Variants in RAB3GAP2 observed in about 807,000 individuals in gnomAD.
RAB3GAP2 encodes rab3 GTPase-activating protein non-catalytic subunit.
RAB3GAP2 carries 87 observed loss-of-function variants against 185.3 expected under a neutral mutation model. The ratio of observed to expected loss-of-function variants is 0.47; its 90% confidence interval spans 0.39 to 0.56. RAB3GAP2 has a LOEUF of 0.56. Ranked by LOEUF, RAB3GAP2 falls within the 20% of genes least tolerant of loss-of-function variation. RAB3GAP2 has a pLI of 0.00. For synonymous variants in RAB3GAP2, 554 were observed against 576.1 expected (o/e 0.96, Z 0.55); for missense variants, 1,492 against 1,638.2 (o/e 0.91, Z 1.54).
At chr1:220,187,427 G>T (rs577229952) in intron 17 of RAB3GAP2, among the ~76,000 whole-genome samples, 1 of 152,016 alleles carries the variant, frequency 6.6e-6, no homozygotes, top group South Asian at 2.1e-4. Context: ...TTTTTCTAAT[G>T]AGGCCACTCA....
At chr1:220,248,336 G>T (rs1243873877) in intron 1 of RAB3GAP2, among the ~76,000 whole-genome samples, 1 of 152,086 alleles carries the variant, frequency 6.6e-6, no homozygotes, top group Non-Finnish European at 1.5e-5. Flanking sequence ...CTTGAAATTA[G>T]CTAAGGGAGT....
At chr1:220,222,420 T>C (rs1264963950) in intron 2 of RAB3GAP2, among the ~76,000 whole-genome samples, 1 of 152,126 alleles carries the variant, frequency 6.6e-6, no homozygotes, top group African/African-American at 2.4e-5. Flanking sequence ...AAAGTACTAG[T>C]CTAGGCCACA....
intron 17 of RAB3GAP2, among the ~76,000 whole-genome samples, chr1:220,189,363 C>T (rs1169245108): frequency 1.3e-5 from 2 of 151,808 alleles, no homozygotes; most frequent in Admixed American, 1.3e-4. Flanking sequence ...ATTACAGGCG[C>T]CCGCCAATAC....
intron 3 of RAB3GAP2, among the ~76,000 whole-genome samples, chr1:220,213,327 C>T (rs887061064): frequency 2.0e-5 from 3 of 152,046 alleles, no homozygotes; most frequent in African/African-American, 7.2e-5. Context: ...TTGAGGGTAA[C>T]TTTGCTTTGT....
intron 17 of RAB3GAP2, among the ~76,000 whole-genome samples, chr1:220,189,159 G>T (rs189521842): frequency 6.6e-6 from 1 of 151,850 alleles, no homozygotes; most frequent in African/African-American, 2.4e-5. Flanking sequence ...TCCTAAGGTA[G>T]GTGGTCATAC....
chr1:220,154,404 C>T (rs538812863), intron 31 of RAB3GAP2: 1 of 251,290 alleles, frequency 4.0e-6, no homozygotes, highest in East Asian at 1.0e-4. Context: ...CACTCATATT[C>T]ACTCTCACTT....
At chr1:220,240,446 T>G (rs1240204028) in intron 1 of RAB3GAP2, among the ~76,000 whole-genome samples, 1 of 152,196 alleles carries the variant, frequency 6.6e-6, no homozygotes, top group Non-Finnish European at 1.5e-5. Context: ...TTATTCTGTT[T>G]ACATTCTTAT....
At chr1:220,182,606 C>T (rs1009218565) in intron 20 of RAB3GAP2, 112 bp downstream of exon 20, 64 of 1,198,348 alleles carry the variant, frequency 5.3e-5, no homozygotes, top group Admixed American at 8.5e-5. Flanking sequence ...ACATTAAATC[C>T]TTTCATTATT....
intron 1 of RAB3GAP2, among the ~76,000 whole-genome samples, chr1:220,233,702 G>T (rs186448861): frequency 3.9e-5 from 6 of 152,138 alleles, no homozygotes; most frequent in Non-Finnish European, 7.4e-5. Context: ...CATATAAAGT[G>T]TATGTGTTTT....
At chr1:220,203,979 A>G (rs954185373) in intron 8 of RAB3GAP2, among the ~76,000 whole-genome samples, 2 of 152,188 alleles carry the variant, frequency 1.3e-5, no homozygotes, top group Admixed American at 1.3e-4. Context: ...AAAGTCTTAT[A>G]ATCAGTGAAA....
At chr1:220,224,356 C>G (rs569423683) in intron 2 of RAB3GAP2, among the ~76,000 whole-genome samples, 1 of 151,978 alleles carries the variant, frequency 6.6e-6, no homozygotes, top group South Asian at 2.1e-4. Context: ...TGCAGCATTG[C>G]TCATTATAGG....
rs1183018960 is a variant in RAB3GAP2, at chr1:220,213,740, G to GT, written c.304+115_304+116insA. 2.3e-5 allele frequency: 23 copies of GT among 1,002,090 alleles called. 1 individual carries two copies. Among genetic ancestry groups the GT allele is most frequent in the Non-Finnish European group, 3.3e-5 (23 of 707,460 alleles). The allele number at this position is 1,002,090 out of a possible 1,614,324, so 62.1% of individuals were successfully genotyped here. ...GGGGGCGGAGGAGGAGTTGGGGGGG[G>GT]GGGGAGAGAGAGAGAAATAAATAAA... On this transcript the variant is annotated intron_variant, in intron 3 of 34. Coordinates refer to ENST00000358951, the MANE Select transcript of RAB3GAP2 (RefSeq NM_012414.4).
rs2102859355 is a variant in RAB3GAP2, at chr1:220,171,917, T to G, written c.2549A>C (p.Gln850Pro). 6.2e-7 allele frequency: 1 copy of G among 1,614,212 alleles called. No individual in the cohort carries two copies. Among genetic ancestry groups the G allele is most frequent in the Non-Finnish European group, 8.5e-7 (1 of 1,180,022 alleles). ...TTTCTCTGTCATGTTGTTTGATATC[T>G]GTGCAGCAACAGAATGCCCAACATG... Reference protein sequence around the residue: ...SAHVGHSVAAQISNNMTEKKF... With the variant: ...SAHVGHSVAAPISNNMTEKKF... The change falls in exon 23 of 35, where the codon CAG becomes CCG. Residue 850 changes from glutamine (Q) to proline (P), a missense_variant. Physicochemically the swap from Gln to Pro is moderately conservative, Grantham distance 76 (BLOSUM62 -1). Around this residue, in one of 5 missense-constraint regions of RAB3GAP2, gnomAD observed 681 missense variants for 689.1 expected, o/e 0.99. Transcript: ENST00000358951.
Position 220,257,047 on chromosome 1 carries a change from G to C in RAB3GAP2, c.115+15176C>G, listed in dbSNP as rs537188583. On this transcript the variant is annotated intron_variant, in intron 1 of 34. Coordinates refer to ENST00000358951, the MANE Select transcript of RAB3GAP2 (RefSeq NM_012414.4). ...AAAGAACTGAAATAACAGTCTCTCA[G>C]ACCACAGAACAATCGAATTAGAATT... 1.2e-4 allele frequency among the ~76,000 whole-genome samples: 18 copies of C among 152,274 alleles called. 1 individual carries two copies. The South Asian group carries it at 1.2e-3, about 11-fold the overall frequency.
intron 13 of RAB3GAP2, among the ~76,000 whole-genome samples, chr1:220,192,684 G>A (rs1211971091): frequency 2.6e-5 from 4 of 152,190 alleles, no homozygotes; most frequent in Non-Finnish European, 5.9e-5. Flanking sequence ...TAAGAGGGCT[G>A]TCTATGAGAA....
rs142081176 is a variant in RAB3GAP2 at position 220,267,879 on chromosome 1, A to G, written c.115+4344T>C. 6 of 855,232 alleles carry G rather than the reference A, an allele frequency of 7.0e-6. No individual in the cohort carries two copies. The East Asian group carries it at 1.5e-4, about 21-fold the overall frequency. 53.0% of individuals were successfully genotyped at this position (855,232 alleles called of 1,614,324 possible). A position where few individuals can be genotyped will look rare whatever the true frequency, so the allele number is the denominator to read the frequency against. On this transcript the variant is annotated intron_variant, in intron 1 of 34. Coordinates refer to ENST00000358951, the MANE Select transcript of RAB3GAP2 (RefSeq NM_012414.4). ...ACCTCCAACTGGAGTTTTAGCCTCA[A>G]CAGGCCCTGAAATGCAGTTTTCTTC... is the stretch of plus-strand genomic sequence containing the variant.
chr1:220,209,138 T>A (rs1392097479), intron 7 of RAB3GAP2, among the ~76,000 whole-genome samples: 1 of 152,220 alleles, frequency 6.6e-6, no homozygotes, highest in African/African-American at 2.4e-5. Context: ...GCCTCCCTAA[T>A]TCCAGTTTAT....
chr1:220,154,229 T>C (rs1177772388), intron 31 of RAB3GAP2, 172 bp from the exon 32 acceptor site: 15 of 959,378 alleles, frequency 1.6e-5, no homozygotes, highest in Non-Finnish European at 2.0e-5. Flanking sequence ...TAGACAGCCT[T>C]TAAGATGAAA....
chr1:220,179,974 C>T (rs1658370316), intron 21 of RAB3GAP2, among the ~76,000 whole-genome samples: 1 of 151,946 alleles, frequency 6.6e-6, no homozygotes, highest in African/African-American at 2.4e-5. Flanking sequence ...CCATCCTGGC[C>T]AACATTGTGA....
Sources: allele counts gnomAD v4.1 joint callset (sites outside exome capture counted in the v4.1 genomes callset), GRCh38; gene constraint gnomAD v4.1.1; regional missense constraint gnomAD v4.1.1; transcripts MANE v1.5; gene names NCBI Gene and HGNC (gene_info 2026-07-23, HGNC 2026-07-21).